Variants in NUP37 observed in about 807,000 individuals in gnomAD.
The protein encoded by NUP37 is nucleoporin Nup37.
In NUP37, 33 loss-of-function variants were observed where a neutral mutation model predicts 45.4. The observed-to-expected ratio is 0.73, with a 90% CI of 0.55 to 0.97. NUP37 has a LOEUF of 0.97. Ranked by LOEUF, NUP37 falls within the 50% of genes least tolerant of loss-of-function variation. The pLI, the probability that NUP37 is intolerant of heterozygous loss-of-function variation, is 0.00. For missense variants in NUP37, 365 were observed against 389.7 expected (o/e 0.94, Z 0.53); for synonymous variants, 127 against 130.7 (o/e 0.97, Z 0.19).
intron 5 of NUP37, among the ~76,000 whole-genome samples, chr12:102,088,656 C>T (rs1037258574): frequency 1.3e-5 from 2 of 150,936 alleles, no homozygotes. Context: ...GTGAGATTTA[C>T]CACCATTTGT....
chr12:102,081,011 G>A (rs1306506800), intron 6 of NUP37, among the ~76,000 whole-genome samples: 1 of 152,198 alleles, frequency 6.6e-6, no homozygotes. Context: ...CAGCCTCTAT[G>A]GCCAGACTGC....
chr12:102,084,581 T>C (rs993489897), intron 6 of NUP37, among the ~76,000 whole-genome samples: 12 of 151,978 alleles, frequency 7.9e-5, no homozygotes, highest in African/African-American at 2.7e-4. Context: ...CATACGAAGG[T>C]TGCAGTGAAT....
intron 5 of NUP37, among the ~76,000 whole-genome samples, chr12:102,097,595 T>C (rs760010525): frequency 6.6e-5 from 10 of 152,126 alleles, no homozygotes; most frequent in Non-Finnish European, 1.5e-4. Context: ...GACTACTGAG[T>C]GTGATCCTAG....
intron 5 of NUP37, among the ~76,000 whole-genome samples, chr12:102,097,550 TCA>T (rs1280807078): frequency 1.3e-5 from 2 of 150,030 alleles, no homozygotes; most frequent in African/African-American, 2.4e-5. Context: ...AAAAAAAATC[TCA>T]GAGTCATAAG....
chr12:102,117,222 G>A (rs1880489932), intron 2 of NUP37, among the ~76,000 whole-genome samples: 1 of 152,084 alleles, frequency 6.6e-6, no homozygotes. Flanking sequence ...GGGAGGCCGA[G>A]GTAGGCAAAT....
chr12:102,118,539 C>T lies in NUP37; in HGVS notation c.-21G>A. The T allele has an allele frequency of 6.2e-7, 1 of 1,601,432 alleles. No individual in the cohort carries two copies. On this transcript the variant is annotated 5_prime_UTR_variant, in exon 2 of 10. Transcript: ENST00000552283. The stretch of plus-strand genomic sequence containing the variant: ...TTCATCTTGTATGTCAAAATTCAAG[C>T]AGTTGTGAAAATTAAATAGCCTTCT...
intron 2 of NUP37, among the ~76,000 whole-genome samples, chr12:102,114,854 T>A (rs1461801516): frequency 6.6e-6 from 1 of 152,176 alleles, no homozygotes; most frequent in Non-Finnish European, 1.5e-5. Context: ...TAGCTCTAAT[T>A]ATTAGAAGAG....
intron 5 of NUP37, among the ~76,000 whole-genome samples, chr12:102,098,747 G>A (rs1879885209): frequency 6.6e-6 from 1 of 152,156 alleles, no homozygotes; most frequent in Non-Finnish European, 1.5e-5. Context: ...GGTCAGGCTG[G>A]TCATTAACTC....
At chr12:102,078,531 G>T (rs1163377200) in intron 6 of NUP37, among the ~76,000 whole-genome samples, 1 of 152,158 alleles carries the variant, frequency 6.6e-6, no homozygotes, top group Non-Finnish European at 1.5e-5. Flanking sequence ...TGCAACTGAA[G>T]TTTGTTTCTA....
chr12:102,076,829 T>A lies in NUP37; in HGVS notation c.741A>T (p.Arg247Ser). Reference protein sequence around the residue: ...ITRSSYPQNKRPVHMDRACLF... With the variant: ...ITRSSYPQNKSPVHMDRACLF... ...AGCAGGCTCGATCCATGTGAACAGGTCTCTTATTTTGAGGATAACTAAAAG... is the reference window on the plus strand; with the variant it reads ...AGCAGGCTCGATCCATGTGAACAGGACTCTTATTTTGAGGATAACTAAAAG... The change falls in exon 8 of 10, where the codon AGA becomes AGT. Residue 247 changes from arginine to serine, a missense_variant. Coordinates refer to ENST00000552283, the MANE Select transcript of NUP37 (RefSeq NM_024057.4). 1.2e-6 allele frequency: 2 copies of A among 1,613,130 alleles called. No individual in the cohort carries two copies. The highest frequency in any genetic ancestry group is 1.7e-6 in the Non-Finnish European group (2 of 1,179,320).
chr12:102,082,286 G>C (rs984766557), intron 6 of NUP37, among the ~76,000 whole-genome samples: 1 of 151,826 alleles, frequency 6.6e-6, no homozygotes, highest in Non-Finnish European at 1.5e-5. Flanking sequence ...AGAATTCTAT[G>C]AGATAGGTAA....
At chr12:102,093,397 C>T (rs982870533) in intron 5 of NUP37, among the ~76,000 whole-genome samples, 1 of 152,026 alleles carries the variant, frequency 6.6e-6, no homozygotes, top group African/African-American at 2.4e-5. Flanking sequence ...GAATTATTAA[C>T]ATCTCATTTA....
chr12:102,099,936 A>T (rs1250534402), intron 4 of NUP37, among the ~76,000 whole-genome samples: 1 of 152,134 alleles, frequency 6.6e-6, no homozygotes, highest in African/African-American at 2.4e-5. Flanking sequence ...GAGGTTATTA[A>T]AGCAGTTCTA....
intron 2 of NUP37, among the ~76,000 whole-genome samples, chr12:102,116,521 T>C (rs1029684584): frequency 2.0e-5 from 3 of 152,192 alleles, no homozygotes; most frequent in African/African-American, 7.2e-5. Flanking sequence ...AAGCTATTAA[T>C]TTCTACTCCC....
At chr12:102,079,844 C>G (rs556627396) in intron 6 of NUP37, among the ~76,000 whole-genome samples, 2 of 152,190 alleles carry the variant, frequency 1.3e-5, no homozygotes, top group African/African-American at 4.8e-5. Flanking sequence ...AAATAAGAAG[C>G]CAGAGTTCAC....
intron 3 of NUP37, among the ~76,000 whole-genome samples, chr12:102,102,949 G>A (rs1436655085): frequency 3.3e-5 from 5 of 151,986 alleles, no homozygotes; most frequent in African/African-American, 4.8e-5. Flanking sequence ...TTATTCTATT[G>A]GTCAAGGTAT....
Position 102,074,377 on chromosome 12 carries a change from A to G in NUP37, c.958T>C (p.Leu320=). 6.2e-7 allele frequency: 1 copy of G among 1,612,114 alleles called. No homozygotes were observed. Among genetic ancestry groups the G allele is most frequent in the Non-Finnish European group, 8.5e-7 (1 of 1,178,720 alleles). ...CTTTATACTTCAGTCACCCAAAACA[A>G]CAGCTTGTGGTCTCCTCCAATTACA... ...LCVIGGDHKL[L]FWVTEV The change falls in exon 10 of 10, where the codon TTG becomes CTG. Residue 320 remains leucine, a synonymous_variant. Transcript: ENST00000552283.
chr12:102,100,650 C>T (rs554315698), intron 4 of NUP37, among the ~76,000 whole-genome samples: 8 of 152,248 alleles, frequency 5.3e-5, no homozygotes, highest in South Asian at 4.1e-4. Context: ...TGCTCTTAAC[C>T]GCTTTGGAAT....
chr12:102,097,250 G>T (rs1879830639), intron 5 of NUP37, among the ~76,000 whole-genome samples: 1 of 152,034 alleles, frequency 6.6e-6, no homozygotes, highest in Admixed American at 6.6e-5. Context: ...CTCCTTTCAT[G>T]GGAAGGTGAA....
Sources: gnomAD v4.1 joint callset for allele counts (sites outside exome capture counted in the v4.1 genomes callset) on GRCh38, gnomAD v4.1.1 for gene constraint, MANE v1.5 for transcripts, NCBI Gene and HGNC (gene_info 2026-07-23, HGNC 2026-07-21) for gene names.